Variants in PRKAG2 observed in about 807,000 individuals in gnomAD.
The protein encoded by PRKAG2 is 5'-AMP-activated protein kinase subunit gamma-2.
In PRKAG2, 26 loss-of-function variants were observed where a neutral mutation model predicts 69.6. The ratio of observed to expected loss-of-function variants is 0.37; its 90% CI spans 0.27 to 0.52. The LOEUF (loss-of-function observed/expected upper bound fraction) is 0.52, where lower values mean the gene tolerates loss of function less well. Among genes scored for constraint, PRKAG2 ranks in the 20% least tolerant of loss-of-function variants. PRKAG2 has a pLI of 0.90. For synonymous variants in PRKAG2, 293 were observed against 285.0 expected, an observed-to-expected ratio of 1.03 and a Z score of -0.28; for missense variants, 557 against 740.0, an observed-to-expected ratio of 0.75 and a Z score of 2.87.
At chr7:151,644,783 T>A (rs1383151307) in intron 4 of PRKAG2, among the ~76,000 whole-genome samples, 1 of 152,250 alleles carries the variant, frequency 6.6e-6, no homozygotes, top group Non-Finnish European at 1.5e-5. Flanking sequence ...TGTACCATTT[T>A]ACATTTCTGC....
At chr7:151,721,394 G>A (rs1233220152) in intron 3 of PRKAG2, among the ~76,000 whole-genome samples, 2 of 133,386 alleles carry the variant, frequency 1.5e-5, no homozygotes, top group Non-Finnish European at 1.7e-5. Context: ...GGCCAGGGCC[G>A]GGGCCAGGGC....
intron 5 of PRKAG2, 24 bp from the exon 6 acceptor site, chr7:151,595,478 T>C (rs776227538): frequency 1.3e-6 from 2 of 1,484,342 alleles, no homozygotes; most frequent in African/African-American, 2.8e-5. Flanking sequence ...AGGCAAAACA[T>C]CAGTAATAAT....
At chr7:151,759,623 C>T (rs1191911092) in intron 3 of PRKAG2, among the ~76,000 whole-genome samples, 1 of 152,208 alleles carries the variant, frequency 6.6e-6, no homozygotes, top group Non-Finnish European at 1.5e-5. Flanking sequence ...TGAAGGTGAA[C>T]CGCACTGGAA....
intron 1 of PRKAG2, among the ~76,000 whole-genome samples, chr7:151,832,571 G>A (rs751440027): frequency 7.0e-6 from 1 of 143,428 alleles, no homozygotes; most frequent in African/African-American, 2.6e-5. Flanking sequence ...CCTGGGGCTG[G>A]TCTGCTGGGC....
chr7:151,725,446 C>T (rs991260897), intron 3 of PRKAG2, among the ~76,000 whole-genome samples: 1 of 151,620 alleles, frequency 6.6e-6, no homozygotes, highest in Non-Finnish European at 1.5e-5. Flanking sequence ...AAAAGGGTTC[C>T]GGAGATGGAT....
intron 4 of PRKAG2, among the ~76,000 whole-genome samples, chr7:151,653,619 A>C (rs960429187): frequency 3.3e-5 from 5 of 152,142 alleles, no homozygotes; most frequent in Non-Finnish European, 7.4e-5. Flanking sequence ...AGGCGGGCCG[A>C]TCACCTGAGG....
At chr7:151,645,157 G>C (rs1827351209) in intron 4 of PRKAG2, among the ~76,000 whole-genome samples, 1 of 152,122 alleles carries the variant, frequency 6.6e-6, no homozygotes, top group Admixed American at 6.5e-5. Flanking sequence ...CTTACTTCTA[G>C]CCAACAGTAT....
At chr7:151,791,003 G>A (rs1004968495) in intron 1 of PRKAG2, among the ~76,000 whole-genome samples, 2 of 152,222 alleles carry the variant, frequency 1.3e-5, no homozygotes, top group African/African-American at 4.8e-5. Context: ...GTCTCGGGCT[G>A]GAGTGAGTAT....
intron 2 of PRKAG2, among the ~76,000 whole-genome samples, chr7:151,782,357 G>A (rs1257356832): frequency 7.2e-5 from 5 of 69,814 alleles, no homozygotes; most frequent in Admixed American, 1.4e-4. Flanking sequence ...GGGAGGGAGG[G>A]AGGGAGGGAG....
intron 4 of PRKAG2, among the ~76,000 whole-genome samples, chr7:151,669,260 T>C (rs143657252): frequency 3.3e-5 from 5 of 152,356 alleles, no homozygotes; most frequent in African/African-American, 7.2e-5. Context: ...TTGAGCTATC[T>C]ACACTAGAGA....
chr7:151,652,101 T>C (rs1011220165), intron 4 of PRKAG2, among the ~76,000 whole-genome samples: 1 of 152,224 alleles, frequency 6.6e-6, no homozygotes, highest in Non-Finnish European at 1.5e-5. Context: ...GTTTAATCAT[T>C]CTGTATTGTA....
chr7:151,591,912 C>A (rs767902950), intron 6 of PRKAG2, among the ~76,000 whole-genome samples: 28 of 152,166 alleles, frequency 1.8e-4, no homozygotes, highest in Non-Finnish European at 3.2e-4. Context: ...GCACCAGGCC[C>A]TTATAGAGAC....
intron 1 of PRKAG2, among the ~76,000 whole-genome samples, chr7:151,839,333 C>G (rs908780439): frequency 2.0e-5 from 3 of 152,188 alleles, no homozygotes; most frequent in Admixed American, 1.3e-4. Flanking sequence ...CCGGGCACCG[C>G]GGTCGGAACT....
At chr7:151,688,047 C>A (rs571451827) in intron 3 of PRKAG2, among the ~76,000 whole-genome samples, 7 of 143,202 alleles carry the variant, frequency 4.9e-5, no homozygotes, top group African/African-American at 1.0e-4. Context: ...ATGAGGCCCC[C>A]CCCCGGGCTC....
At chr7:151,688,909 T>A (rs981456494) in intron 3 of PRKAG2, among the ~76,000 whole-genome samples, 9 of 152,084 alleles carry the variant, frequency 5.9e-5, no homozygotes, top group African/African-American at 2.2e-4. Context: ...GTGGTTCCCC[T>A]CTCCTCCAGG....
Position 151,565,852 on chromosome 7 carries a change from G to T in PRKAG2, c.1267C>A (p.Gln423Lys), listed in dbSNP as rs147349145. Residue 423 changes from glutamine to lysine, a missense_variant, in exon 12 of 16, where the codon CAG (glutamine) becomes AAG (lysine). Coordinates refer to ENST00000287878, the MANE Select transcript of PRKAG2 (RefSeq NM_016203.4). ...CCTATTCCAAGCTCATCCAGGTTCT[G>T]CTTCATGAAGGCAGGCTTTGGCATA... is the stretch of plus-strand genomic sequence containing the variant. ...SDMPKPAFMK[Q>K]NLDELGIGTY... 28 of 1,613,638 alleles carry T rather than the reference G, an allele frequency of 1.7e-5. No homozygotes were observed. In the African/African-American group the frequency reaches 3.7e-4, roughly 22 times the overall value.
At chr7:151,611,197 C>T (rs796768720) in intron 5 of PRKAG2, among the ~76,000 whole-genome samples, 7 of 152,270 alleles carry the variant, frequency 4.6e-5, no homozygotes, top group African/African-American at 1.7e-4. Flanking sequence ...GGTCAGAATG[C>T]CAAGGAGGAC....
At chr7:151,688,156 C>T (rs1835063370) in intron 3 of PRKAG2, among the ~76,000 whole-genome samples, 1 of 151,402 alleles carries the variant, frequency 6.6e-6, no homozygotes, top group South Asian at 2.1e-4. Flanking sequence ...ATACTCTCAG[C>T]TGATGCCAGG....
At chr7:151,869,975 T>G (rs2151913065) in intron 1 of PRKAG2, among the ~76,000 whole-genome samples, 1 of 152,360 alleles carries the variant, frequency 6.6e-6, no homozygotes, top group East Asian at 1.9e-4. Flanking sequence ...CCTAACGGGC[T>G]GGCCCACACA....
Sources: gnomAD v4.1 joint callset for allele counts (sites outside exome capture counted in the v4.1 genomes callset) on GRCh38, gnomAD v4.1.1 for gene constraint, MANE v1.5 for transcripts, NCBI Gene and HGNC (gene_info 2026-07-23, HGNC 2026-07-21) for gene names.